Variants in ATMIN observed in about 807,000 individuals in gnomAD.
ATMIN encodes the protein ATM INteracting protein.
A neutral mutation model predicts 49.2 loss-of-function variants in ATMIN; 24 were observed. The observed-to-expected ratio is 0.49, with a 90% CI of 0.35 to 0.69. ATMIN has a LOEUF of 0.69. ATMIN is among the 30% of genes least tolerant of loss of function. The probability of loss-of-function intolerance (pLI) is 0.00; values close to 1 mark genes in which losing one functional copy is unlikely to be tolerated. For synonymous variants in ATMIN, 450 were observed against 392.5 expected (o/e 1.15, Z -1.73); for missense variants, 1,037 against 1,005.5 (o/e 1.03, Z -0.42).
intron 2 of ATMIN, 131 bp from the exon 3 acceptor site, chr16:81,042,150 C>G (rs996517769): frequency 1.3e-6 from 1 of 767,170 alleles, no homozygotes; most frequent in Non-Finnish European, 2.1e-6. Context: ...ATTCTTTTGA[C>G]TTGGACTGCT....
At position 81,035,902 on chromosome 16, in the gene ATMIN, G is replaced by GGC; in HGVS notation, c.33_34insCG (p.Ser12ArgfsTer34). 2.0e-6 allele frequency: 2 copies of GGC among 982,680 alleles called. No individual in the cohort carries two copies. The highest frequency in any genetic ancestry group is 3.5e-5 in the African/African-American group (2 of 56,602). 60.9% of individuals were successfully genotyped at this position (982,680 alleles called of 1,614,324 possible). ...GCCTCGGAGGCGGCGGCGGCGGCGG[G>GGC]GTCCGCGGCTCTGGCGGCGGGTGCC... On this transcript the variant is annotated frameshift_variant, in exon 1 of 4. Transcript: ENST00000299575. LOFTEE classifies it high-confidence loss of function.
At position 81,043,646 on chromosome 16, in the gene ATMIN, G is replaced by C. The variant is rs758448816; in HGVS notation, c.1148G>C (p.Gly383Ala). 5.0e-6 allele frequency: 8 copies of C among 1,614,080 alleles called. No homozygotes were observed. Among genetic ancestry groups the C allele is most frequent in the South Asian group, 2.2e-5 (2 of 91,084 alleles). ...ATTGCTGGTGAGCCAATAAGTACTG[G>C]TGTTCAAGTGAACTTTGGTAAAAGT... is the stretch of plus-strand genomic sequence containing the variant. ...NPIAGEPIST[G>A]VQVNFGKSPS... The change falls in exon 4 of 4, where the codon GGT becomes GCT. Residue 383 changes from glycine to alanine, a missense_variant. Coordinates refer to ENST00000299575, the MANE Select transcript of ATMIN (RefSeq NM_015251.3).
chr16:81,046,859 G>A lies in ATMIN; in HGVS notation c.*1889G>A, dbSNP rs945343711. The A allele has an allele frequency of 1.0e-4, 16 of 152,562 alleles. No individual in the cohort carries two copies. Among genetic ancestry groups the A allele is most frequent in the African/African-American group, 3.9e-4 (16 of 41,432 alleles). 9.5% of individuals were successfully genotyped at this position (152,562 alleles called of 1,614,324 possible). A position where few individuals can be genotyped will look rare whatever the true frequency, so the allele number is the denominator to read the frequency against. On this transcript the variant is annotated 3_prime_UTR_variant, in exon 4 of 4. Coordinates refer to ENST00000299575, the MANE Select transcript of ATMIN (RefSeq NM_015251.3). ...TGGTAATGGATAAATAACATATCCC[G>A]GGCAGATGAGCTCAACCTAGTAGGT...
intron 1 of ATMIN, chr16:81,037,118 GCCCCAC>G: frequency 2.1e-6 from 2 of 945,338 alleles, no homozygotes; most frequent in Non-Finnish European, 2.5e-6. Context: ...CAGATGTCCA[GCCCCAC>G]CCCGGACCTG....
rs1177306023 is a variant in ATMIN at position 81,045,240 on chromosome 16, T to C, written c.*270T>C. On this transcript the variant is annotated 3_prime_UTR_variant, in exon 4 of 4. Transcript: ENST00000299575. ...AGTCTTTTCATGTTAAAAAAAAAAATGTATTTCATATCTATAAAACCTATA... is the reference window on the plus strand; with the variant it reads ...AGTCTTTTCATGTTAAAAAAAAAAACGTATTTCATATCTATAAAACCTATA... 1 of 413,678 alleles carries C rather than the reference T, an allele frequency of 2.4e-6. No individual in the cohort carries two copies. Among genetic ancestry groups the C allele is most frequent in the Non-Finnish European group, 4.3e-6 (1 of 233,230 alleles). 25.6% of individuals were successfully genotyped at this position (413,678 alleles called of 1,614,324 possible).
intron 1 of ATMIN, among the ~76,000 whole-genome samples, chr16:81,038,496 G>A (rs191760426): frequency 1.2e-4 from 18 of 152,196 alleles, no homozygotes; most frequent in African/African-American, 4.3e-4. Flanking sequence ...TTGACAAGCA[G>A]ACTGACTTTC....
intron 1 of ATMIN, among the ~76,000 whole-genome samples, chr16:81,038,966 T>C (rs1361282671): frequency 6.6e-6 from 1 of 152,172 alleles, no homozygotes; most frequent in Admixed American, 6.5e-5. Flanking sequence ...CGACTAATTT[T>C]TGTTTTATTA....
At chr16:81,038,133 T>A (rs1159715901) in intron 1 of ATMIN, among the ~76,000 whole-genome samples, 3 of 151,832 alleles carry the variant, frequency 2.0e-5, no homozygotes, top group Non-Finnish European at 4.4e-5. Context: ...TATGTTGGGT[T>A]TTTTTTGTTT....
rs865975401 is a variant in ATMIN at position 81,045,453 on chromosome 16, G to A, written c.*483G>A. 6.4e-6 allele frequency: 1 copy of A among 156,310 alleles called. No homozygotes were observed. The highest frequency in any genetic ancestry group is 1.4e-5 in the Non-Finnish European group (1 of 70,852). The allele number at this position is 156,310 out of a possible 1,614,324, so 9.7% of individuals were successfully genotyped here. A position where few individuals can be genotyped will look rare whatever the true frequency, so the allele number is the denominator to read the frequency against. ...CGGATGCTGCCACCGTAGGATTTAA[G>A]CAGTAGTGCTTCCATGCTCTTAAGA... On this transcript the variant is annotated 3_prime_UTR_variant, in exon 4 of 4. Transcript: ENST00000299575.
rs768882599 is a variant in ATMIN, at chr16:81,036,197, C to T, written c.327C>T (p.His109=). Residue 109 remains histidine, a synonymous_variant, in exon 1 of 4, where the codon CAC becomes CAT. Coordinates refer to ENST00000299575, the MANE Select transcript of ATMIN (RefSeq NM_015251.3). ...TCAACATGCACCTAGTCAAGAGCCACCGCCTGCAGGTGAGCCCGACGCGGC... is the reference window on the plus strand; with the variant it reads ...TCAACATGCACCTAGTCAAGAGCCATCGCCTGCAGGTGAGCCCGACGCGGC... ...PALNMHLVKS[H]RLQDGIVNPT... 1.4e-5 allele frequency: 21 copies of T among 1,451,572 alleles called. No homozygotes were observed. Among genetic ancestry groups the T allele is most frequent in the Admixed American group, 1.3e-4 (6 of 47,498 alleles). The allele number at this position is 1,451,572 out of a possible 1,614,324, so 89.9% of individuals were successfully genotyped here.
Position 81,044,811 on chromosome 16 carries a change from G to A in ATMIN, c.2313G>A (p.Gly771=), listed in dbSNP as rs746843577. 8.7e-6 allele frequency: 14 copies of A among 1,614,184 alleles called. No homozygotes were observed. Among genetic ancestry groups the A allele is most frequent in the Middle Eastern group, 1.6e-4 (1 of 6,062 alleles). Residue 771 remains glycine, a synonymous_variant, in exon 4 of 4, where the codon GGG becomes GGA. Transcript: ENST00000299575. The stretch of plus-strand genomic sequence containing the variant: ...CAGAAACACAGACCATGAGTTCTGG[G>A]TTTGAAACCCTGGGGAGCTTGTTCT... The part of the protein sequence containing the change: ...NSTETQTMSS[G]FETLGSLFFT...
intron 1 of ATMIN, among the ~76,000 whole-genome samples, chr16:81,036,661 A>G (rs1970941232): frequency 6.6e-6 from 1 of 152,180 alleles, no homozygotes; most frequent in South Asian, 2.1e-4. Context: ...CGACACCCAC[A>G]ATGCCGCCCT....
Position 81,044,750 on chromosome 16 carries a change from T to C in ATMIN, c.2252T>C (p.Ile751Thr). 1 of 1,614,214 alleles carries C rather than the reference T, an allele frequency of 6.2e-7. No homozygotes were observed. Among genetic ancestry groups the C allele is most frequent in the Non-Finnish European group, 8.5e-7 (1 of 1,180,036 alleles). ...GAAGGAGTCTCCACTGCTAAAAATA[T>C]ACCTGCTCTAGAAAGCAAAGTTCAG... ...QTEGVSTAKN[I>T]PALESKVQLN... Residue 751 changes from isoleucine (I) to threonine (T), a missense_variant, in exon 4 of 4, where the codon ATA becomes ACA. By Grantham distance (89) the Ile-to-Thr change is moderately conservative. Coordinates refer to ENST00000299575, the MANE Select transcript of ATMIN (RefSeq NM_015251.3).
At chr16:81,041,200 C>G in intron 1 of ATMIN, 156 bp from the exon 2 acceptor site, 1 of 755,352 alleles carries the variant, frequency 1.3e-6, no homozygotes, top group Non-Finnish European at 2.1e-6. Context: ...GTTTAATCTA[C>G]TCATACTCTT....
rs1052668014 is a variant in ATMIN at position 81,045,604 on chromosome 16, T to A, written c.*634T>A. The A allele has an allele frequency of 6.5e-6, 1 of 152,684 alleles. No individual in the cohort carries two copies. The highest frequency in any genetic ancestry group is 1.9e-4 in the East Asian group (1 of 5,194). The allele number at this position is 152,684 out of a possible 1,614,324, so 9.5% of individuals were successfully genotyped here. On this transcript the variant is annotated 3_prime_UTR_variant, in exon 4 of 4. Transcript: ENST00000299575. ...TAATCATTGCCACCTCTTCGCTACA[T>A]GAACTACTATTGATACCAGCATACA...
At position 81,044,781 on chromosome 16, in the gene ATMIN, C is replaced by T. The variant is rs1329358903; in HGVS notation, c.2283C>T (p.Asn761=). 1.9e-6 allele frequency: 3 copies of T among 1,614,056 alleles called. No individual in the cohort carries two copies. Among genetic ancestry groups the T allele is most frequent in the East Asian group, 2.2e-5 (1 of 44,900 alleles). Residue 761 remains asparagine (N), a synonymous_variant, in exon 4 of 4, where the codon AAC becomes AAT. Coordinates refer to ENST00000299575, the MANE Select transcript of ATMIN (RefSeq NM_015251.3). The part of the protein sequence containing the change: ...IPALESKVQL[N]STETQTMSSG... ...CTCTAGAAAGCAAAGTTCAGTTGAA[C>T]AGTACAGAAACACAGACCATGAGTT...
In ATMIN at chr16:81,044,807, C is replaced by G. The variant is rs777513790; in HGVS notation, c.2309C>G (p.Ser770Cys). Residue 770 changes from serine to cysteine, a missense_variant, in exon 4 of 4, where the codon TCT (serine) becomes TGT (cysteine). Ser to Cys is a moderately radical substitution (Grantham distance 112). Coordinates refer to ENST00000299575, the MANE Select transcript of ATMIN (RefSeq NM_015251.3). The part of the protein sequence containing the change: ...LNSTETQTMS[S>C]GFETLGSLFF... ...AGTACAGAAACACAGACCATGAGTT[C>G]TGGGTTTGAAACCCTGGGGAGCTTG... 2 of 1,614,202 alleles carry G rather than the reference C, an allele frequency of 1.2e-6. No homozygotes were observed. The highest frequency in any genetic ancestry group is 1.7e-6 in the Non-Finnish European group (2 of 1,180,044).
intron 1 of ATMIN, 114 bp from the exon 2 acceptor site, chr16:81,041,242 C>G: frequency 8.4e-7 from 1 of 1,187,212 alleles, no homozygotes; most frequent in Non-Finnish European, 1.2e-6. Flanking sequence ...GATGGAAAAA[C>G]TCTTAATTAA....
rs752604505 is a variant in ATMIN at position 81,045,269 on chromosome 16, C to G, written c.*299C>G. 7.6e-5 allele frequency: 23 copies of G among 301,926 alleles called. No homozygotes were observed. Among genetic ancestry groups the G allele is most frequent in the Admixed American group, 2.3e-4 (5 of 21,400 alleles). The allele number at this position is 301,926 out of a possible 1,614,324, so 18.7% of individuals were successfully genotyped here. A position where few individuals can be genotyped will look rare whatever the true frequency, so the allele number is the denominator to read the frequency against. ...TTTCATATCTATAAAACCTATATAG[C>G]CATTTAGCTGAAGCCCAGCTTACCA... On this transcript the variant is annotated 3_prime_UTR_variant, in exon 4 of 4. Transcript: ENST00000299575.
Sources: gnomAD v4.1 joint callset for allele counts (sites outside exome capture counted in the v4.1 genomes callset) on GRCh38, gnomAD v4.1.1 for gene constraint, MANE v1.5 for transcripts, NCBI Gene and HGNC (gene_info 2026-07-23, HGNC 2026-07-21) for gene names.